Variants in CDC42BPA observed in about 807,000 individuals in gnomAD.
The protein encoded by CDC42BPA is CDC42 binding protein kinase alpha.
A neutral mutation model predicts 223.5 loss-of-function variants in CDC42BPA; 80 were observed. That is an observed-to-expected ratio of 0.36 (90% CI 0.30 to 0.43). The LOEUF is 0.43. Ranked by LOEUF, CDC42BPA falls within the 20% of genes least tolerant of loss-of-function variation. The probability of loss-of-function intolerance (pLI) is 1.00; values close to 1 mark genes in which losing one functional copy is unlikely to be tolerated. For synonymous variants in CDC42BPA, 694 were observed against 718.6 expected, an observed-to-expected ratio of 0.97 and a Z score of 0.55; for missense variants, 1,743 against 2,099.9, an observed-to-expected ratio of 0.83 and a Z score of 3.32.
At position 227,147,457 on chromosome 1, in the gene CDC42BPA, AC is replaced by A; in HGVS notation, c.795del (p.Trp265CysfsTer31). ...TCATACATACAGACCCCCAAAGACCACCAGTCACATTCAGGTCCATATCTCC... is the reference window on the plus strand; with the variant it reads ...TCATACATACAGACCCCCAAAGACCACAGTCACATTCAGGTCCATATCTCC... ...GKGRYGPECD[W>X]WSLGVCMYEM... is the part of the protein sequence containing the mutation. On this transcript the variant is annotated frameshift_variant, in exon 7 of 37. Transcript: ENST00000366766. LOFTEE classifies it high-confidence loss of function. 1 of 1,613,414 alleles carries A rather than the reference AC, an allele frequency of 6.2e-7. No individual in the cohort carries two copies. Among genetic ancestry groups the A allele is most frequent in the Non-Finnish European group, 8.5e-7 (1 of 1,179,568 alleles).
intron 34 of CDC42BPA, among the ~76,000 whole-genome samples, chr1:227,007,376 C>A (rs1664309992): frequency 6.6e-6 from 1 of 152,122 alleles, no homozygotes; most frequent in Non-Finnish European, 1.5e-5. Flanking sequence ...CTAACTAGTT[C>A]ATTAAAATTG....
At chr1:227,232,396 T>C (rs967040182) in intron 2 of CDC42BPA, among the ~76,000 whole-genome samples, 4 of 152,208 alleles carry the variant, frequency 2.6e-5, no homozygotes, top group African/African-American at 9.6e-5. Context: ...TGTGTATAGT[T>C]TGAAGTCAGG....
At chr1:227,177,148 T>TAC (rs1182452124) in intron 5 of CDC42BPA, among the ~76,000 whole-genome samples, 2 of 151,528 alleles carry the variant, frequency 1.3e-5, no homozygotes, top group African/African-American at 4.8e-5. Flanking sequence ...TATATATATA[T>TAC]ACAGTATTTC....
At chr1:227,145,405 A>G in intron 8 of CDC42BPA, 84 bp downstream of exon 8, 3 of 1,238,210 alleles carry the variant, frequency 2.4e-6, no homozygotes, top group South Asian at 3.1e-5. Flanking sequence ...CATCCTAGCA[A>G]AATACTTATA....
intron 8 of CDC42BPA, among the ~76,000 whole-genome samples, chr1:227,143,880 AT>A (rs1274074443): frequency 2.0e-5 from 3 of 152,228 alleles, no homozygotes; most frequent in Non-Finnish European, 4.4e-5. Context: ...CATAACCTCC[AT>A]GAATAATTAG....
chr1:227,307,060 T>A (rs1394380690), intron 1 of CDC42BPA, among the ~76,000 whole-genome samples: 1 of 151,796 alleles, frequency 6.6e-6, no homozygotes, highest in African/African-American at 2.4e-5. Flanking sequence ...GTACCAATGG[T>A]TAGAGAGGTA....
intron 14 of CDC42BPA, chr1:227,111,863 C>A (rs1686983346): frequency 6.5e-6 from 1 of 153,034 alleles, no homozygotes; most frequent in Non-Finnish European, 1.5e-5. Flanking sequence ...TAGTCTAACT[C>A]CAGAACGGCT....
chr1:227,144,352 G>A lies in CDC42BPA; in HGVS notation c.1143+1137C>T, dbSNP rs139503400. 2.7e-3 allele frequency among the ~76,000 whole-genome samples: 407 copies of A among 151,998 alleles called. 10 individuals are homozygous for A. The East Asian group carries it at 0.051, about 19-fold the overall frequency. ...AGCACTTTGGGAGGCTGAGGAGGGC[G>A]GATCACAAGGTCAGGAGATCAAGAC... On this transcript the variant is annotated intron_variant, in intron 8 of 36. Transcript: ENST00000366766.
intron 21 of CDC42BPA, chr1:227,068,744 G>A (rs2149033294): frequency 2.7e-6 from 2 of 738,626 alleles, no homozygotes; most frequent in Non-Finnish European, 1.9e-6. Context: ...AAATATGGAT[G>A]AAGCAATTTA....
In CDC42BPA at chr1:227,040,175, G is replaced by T. The variant is rs1444878871; in HGVS notation, c.3155C>A (p.Thr1052Asn). The change falls in exon 24 of 37, where the codon ACC becomes AAC. Residue 1052 changes from threonine to asparagine, a missense_variant. By Grantham distance (65) the Thr-to-Asn change is moderately conservative. Transcript: ENST00000366766. ...TCTTATTAAACCCACCATCAAGGAG[G>T]TACACTGATGACACTTGGTAGGAGT... ...FTTPTKCHQC[T>N]SLMVGLIRQG... The T allele has an allele frequency of 1.5e-5, 24 of 1,613,050 alleles. No individual in the cohort carries two copies. Among genetic ancestry groups the T allele is most frequent in the Non-Finnish European group, 2.0e-5 (23 of 1,179,214 alleles).
rs941899640 is a variant in CDC42BPA at position 226,991,599 on chromosome 1, T to C, written c.*2669A>G. 7.2e-5 allele frequency: 11 copies of C among 152,194 alleles called. No homozygotes were observed. Among genetic ancestry groups the C allele is most frequent in the Middle Eastern group, 3.4e-3 (1 of 294 alleles). The allele number at this position is 152,194 out of a possible 1,614,324, so 9.4% of individuals were successfully genotyped here. On this transcript the variant is annotated 3_prime_UTR_variant, in exon 37 of 37. Transcript: ENST00000366766. ...TTATGACTGATGAGATTACTTGCCA[T>C]TGCAGTGGAAAAATCAAAGAGTGCC...
chr1:227,208,916 G>A (rs1055659972), intron 3 of CDC42BPA, among the ~76,000 whole-genome samples: 4 of 151,996 alleles, frequency 2.6e-5, no homozygotes, highest in Admixed American at 6.6e-5. Context: ...GCTTTATGGG[G>A]ATGGCATTGA....
intron 1 of CDC42BPA, among the ~76,000 whole-genome samples, chr1:227,263,582 AT>A (rs34757020): frequency 0.37 from 50,057 of 134,766 alleles, 7,693 homozygotes; most frequent in South Asian, 0.45. Context: ...TTGAGAATCA[AT>A]TTTTTTTTTT....
chr1:227,048,873 A>C (rs922524383), intron 22 of CDC42BPA, among the ~76,000 whole-genome samples: 2 of 151,770 alleles, frequency 1.3e-5, no homozygotes, highest in Non-Finnish European at 3.0e-5. Context: ...TTATAAGAAA[A>C]ATGGATGGTC....
At chr1:227,082,581 G>A (rs1680922585) in intron 16 of CDC42BPA, among the ~76,000 whole-genome samples, 1 of 151,808 alleles carries the variant, frequency 6.6e-6, no homozygotes, top group Non-Finnish European at 1.5e-5. Flanking sequence ...CAGACGTGGT[G>A]GCATGTGCCT....
chr1:227,038,630 A>C (rs1244843626), intron 24 of CDC42BPA, among the ~76,000 whole-genome samples: 1 of 152,198 alleles, frequency 6.6e-6, no homozygotes, highest in Non-Finnish European at 1.5e-5. Flanking sequence ...ATGCTGAGCA[A>C]ACTTCCTACT....
intron 16 of CDC42BPA, among the ~76,000 whole-genome samples, chr1:227,085,974 C>T (rs973047689): frequency 6.6e-6 from 1 of 152,198 alleles, no homozygotes; most frequent in Non-Finnish European, 1.5e-5. Context: ...TATCCCCATG[C>T]CTATTTATAA....
intron 19 of CDC42BPA, among the ~76,000 whole-genome samples, chr1:227,072,707 C>A (rs1232459709): frequency 6.6e-6 from 1 of 151,954 alleles, no homozygotes; most frequent in Non-Finnish European, 1.5e-5. Flanking sequence ...AGATATTATA[C>A]CATTACAGGC....
At chr1:227,226,901 G>A (rs769881617) in intron 2 of CDC42BPA, among the ~76,000 whole-genome samples, 1 of 152,064 alleles carries the variant, frequency 6.6e-6, no homozygotes, top group Admixed American at 6.6e-5. Flanking sequence ...GGGTTAGATG[G>A]AGAGAAAAGA....
Sources: gnomAD v4.1 joint callset for allele counts (sites outside exome capture counted in the v4.1 genomes callset) on GRCh38, gnomAD v4.1.1 for gene constraint, MANE v1.5 for transcripts, NCBI Gene and HGNC (gene_info 2026-07-23, HGNC 2026-07-21) for gene names.